Variants in COG4 observed in about 807,000 individuals in gnomAD.
COG4 encodes the protein conserved oligomeric Golgi complex subunit 4.
In COG4, 65 loss-of-function variants were observed where a neutral mutation model predicts 95.1. The ratio of observed to expected loss-of-function variants is 0.68; its 90% CI spans 0.56 to 0.84. The LOEUF is 0.84. Among genes scored for constraint, COG4 ranks in the 40% least tolerant of loss-of-function variants. COG4 has a pLI of 0.00. For missense variants in COG4, 1,045 were observed against 989.1 expected (o/e 1.06, Z -0.76); for synonymous variants, 421 against 374.8 (o/e 1.12, Z -1.42).
At chr16:70,492,791 C>T (rs1333406280) in intron 12 of COG4, among the ~76,000 whole-genome samples, 2 of 151,866 alleles carry the variant, frequency 1.3e-5, no homozygotes, top group African/African-American at 2.4e-5. Context: ...GGCAAAACCC[C>T]GTCTCTACTA....
At position 70,507,899 on chromosome 16, in the gene COG4, G is replaced by A. The variant is rs147591353; in HGVS notation, c.1061+507C>T. Among the ~76,000 whole-genome samples the A allele has an allele frequency of 5.4e-3, 817 of 151,426 alleles. 6 individuals are homozygous for A. The highest frequency in any genetic ancestry group is 7.2e-3 in the Non-Finnish European group (485 of 67,830). ...AAGTATTCCAGTCATTAAATGACAC[G>A]TGATTGTACTGATTATAATTTATTA... On this transcript the variant is annotated intron_variant, in intron 8 of 18. Coordinates refer to ENST00000323786, the MANE Select transcript of COG4 (RefSeq NM_015386.3).
At chr16:70,520,176 C>T (rs1478994497) in intron 1 of COG4, among the ~76,000 whole-genome samples, 1 of 151,914 alleles carries the variant, frequency 6.6e-6, no homozygotes, top group East Asian at 1.9e-4. Flanking sequence ...CGGCTTACGT[C>T]GGTAATCCCA....
At chr16:70,484,131 C>T (rs2049078231) in intron 13 of COG4, among the ~76,000 whole-genome samples, 162 bp from the exon 14 acceptor site, 1 of 152,216 alleles carries the variant, frequency 6.6e-6, no homozygotes, top group Non-Finnish European at 1.5e-5. Flanking sequence ...CACTTGGCTC[C>T]CACTTCCCCC....
chr16:70,481,467 G>T lies in COG4; in HGVS notation c.2127C>A (p.Asp709Glu). The part of the protein sequence containing the change: ...TFNRLGGLQF[D>E]KELRSLIAYL... Reference sequence around the variant, plus strand: ...AGGCAATGAGCGACCTCAGCTCCTTGTCAAACTGCAGACCACCCAGCTGCA... The same window carrying T: ...AGGCAATGAGCGACCTCAGCTCCTTTTCAAACTGCAGACCACCCAGCTGCA... Residue 709 changes from aspartate (D) to glutamate (E), a missense_variant, in exon 18 of 19, where the codon GAC becomes GAA. Physicochemically the swap from Asp to Glu is conservative, Grantham distance 45. Transcript: ENST00000323786. 6.2e-7 allele frequency: 1 copy of T among 1,612,502 alleles called. No individual in the cohort carries two copies.
intron 13 of COG4, among the ~76,000 whole-genome samples, chr16:70,484,620 G>C (rs1597655589): frequency 6.6e-6 from 1 of 152,336 alleles, no homozygotes; most frequent in Non-Finnish European, 1.5e-5. Context: ...AAAGTACCAG[G>C]CTGGGCGAGG....
At chr16:70,505,662 T>C (rs2151755298) in intron 8 of COG4, among the ~76,000 whole-genome samples, 1 of 150,494 alleles carries the variant, frequency 6.6e-6, no homozygotes, top group South Asian at 2.1e-4. Flanking sequence ...ACCCCGTCTC[T>C]ACTAAAAATA....
At position 70,481,020 on chromosome 16, in the gene COG4, A is replaced by G; in HGVS notation, c.2360T>C (p.Leu787Pro). Residue 787 changes from leucine to proline, a missense_variant, in exon 19 of 19, where the codon CTG (leucine) becomes CCG (proline). Transcript: ENST00000323786. The stretch of plus-strand genomic sequence containing the variant: ...TGCTCATCCAGGCAGCTACAGGCGC[A>G]GCCTCTTGATATCTTCACTGCGGAA... ...IDFRSEDIKR[L>P]RL 6.2e-7 allele frequency: 1 copy of G among 1,612,714 alleles called. No individual in the cohort carries two copies. Among genetic ancestry groups the G allele is most frequent in the South Asian group, 1.1e-5 (1 of 91,064 alleles).
chr16:70,515,862 TC>T (rs2049811550), intron 3 of COG4: 1 of 379,080 alleles, frequency 2.6e-6, no homozygotes, highest in Admixed American at 3.6e-5. Context: ...TAGGACAGGG[TC>T]TTACTGTGTT....
At chr16:70,518,384 G>T (rs1223103603) in intron 2 of COG4, among the ~76,000 whole-genome samples, 1 of 151,998 alleles carries the variant, frequency 6.6e-6, no homozygotes, top group Non-Finnish European at 1.5e-5. Flanking sequence ...TTTGAGACAG[G>T]TTCTCACTCT....
chr16:70,487,239 G>A (rs1454208247), intron 13 of COG4, among the ~76,000 whole-genome samples: 5 of 150,876 alleles, frequency 3.3e-5, no homozygotes, highest in Non-Finnish European at 7.4e-5. Flanking sequence ...TCATGCCACT[G>A]CACTACAGCC....
intron 3 of COG4, among the ~76,000 whole-genome samples, chr16:70,516,207 A>T (rs993640082): frequency 1.3e-5 from 2 of 152,066 alleles, no homozygotes; most frequent in Non-Finnish European, 2.9e-5. Flanking sequence ...TGTTAAATCA[A>T]CCTTGTGTTC....
intron 1 of COG4, among the ~76,000 whole-genome samples, chr16:70,522,907 C>T (rs2049981720): frequency 1.3e-5 from 2 of 152,172 alleles, no homozygotes; most frequent in South Asian, 4.1e-4. Context: ...ACGCTAAAAT[C>T]ACACCCCCAA....
intron 13 of COG4, among the ~76,000 whole-genome samples, chr16:70,487,997 G>A (rs889861095): frequency 6.6e-6 from 1 of 151,844 alleles, no homozygotes; most frequent in Non-Finnish European, 1.5e-5. Flanking sequence ...GCTAATTTTT[G>A]TATTTTTAGT....
intron 13 of COG4, among the ~76,000 whole-genome samples, chr16:70,485,682 T>C (rs989134158): frequency 1.4e-5 from 2 of 147,564 alleles, no homozygotes; most frequent in African/African-American, 2.5e-5. Context: ...GTCTCCCGGG[T>C]TCAAGTGACT....
chr16:70,508,553 G>T, intron 7 of COG4, 89 bp from the exon 8 acceptor site: 2 of 1,123,784 alleles, frequency 1.8e-6, no homozygotes, highest in South Asian at 1.2e-5. Flanking sequence ...TGGCATACAA[G>T]AACATTTAGA....
chr16:70,503,480 C>T (rs2049494548), intron 8 of COG4, among the ~76,000 whole-genome samples: 1 of 152,234 alleles, frequency 6.6e-6, no homozygotes, highest in Non-Finnish European at 1.5e-5. Context: ...CTCTCCTCTA[C>T]TCTTTGAACT....
chr16:70,508,048 G>A (rs1409905301), intron 8 of COG4, among the ~76,000 whole-genome samples: 1 of 151,628 alleles, frequency 6.6e-6, no homozygotes, highest in Non-Finnish European at 1.5e-5. Flanking sequence ...AGCCTCCCGA[G>A]TAGCTGGGAC....
rs775413932 is a variant in COG4 at position 70,501,030 on chromosome 16, G to GTT, written c.1122_1123insAA (p.Arg375AsnfsTer23). On this transcript the variant is annotated frameshift_variant, in exon 9 of 19. Coordinates refer to ENST00000323786, the MANE Select transcript of COG4 (RefSeq NM_015386.3). LOFTEE classifies it high-confidence loss of function. Reference sequence around the variant, plus strand: ...GAGCTAATCCTCTTCTTGAGGAAGCGTAAGTATAGCTCACTGCGGGCATTC... The same window carrying GTT: ...GAGCTAATCCTCTTCTTGAGGAAGCGTTTAAGTATAGCTCACTGCGGGCATTC... 1 of 1,613,980 alleles carries GTT rather than the reference G, an allele frequency of 6.2e-7. No homozygotes were observed. Among genetic ancestry groups the GTT allele is most frequent in the Non-Finnish European group, 8.5e-7 (1 of 1,179,950 alleles).
rs59126839 is a variant in COG4, at chr16:70,502,601, T to TA, written c.1062-1511dup. ...GGGCAACAAGAGTGAAACTCCGTCT[T>TA]AAAAAAAAAAAAAAATTATCAGTGT... On this transcript the variant is annotated intron_variant, in intron 8 of 18. Transcript: ENST00000323786. 2.6e-3 allele frequency among the ~76,000 whole-genome samples: 368 copies of TA among 140,642 alleles called. 4 individuals are homozygous for TA. The highest frequency in any genetic ancestry group is 5.2e-3 in the African/African-American group (201 of 38,718). The allele number at this position is 140,642 out of a possible 152,430, so 92.3% of individuals were successfully genotyped here.
Sources: allele counts gnomAD v4.1 joint callset (sites outside exome capture counted in the v4.1 genomes callset), GRCh38; gene constraint gnomAD v4.1.1; transcripts MANE v1.5; gene names NCBI Gene and HGNC (gene_info 2026-07-23, HGNC 2026-07-21).